ABI1: variants seen among roughly 807,000 people sequenced by gnomAD.
The protein encoded by ABI1 is abl interactor 1.
A neutral mutation model predicts 54.6 loss-of-function variants in ABI1; 14 were observed. That is an observed-to-expected ratio of 0.26 (90% CI 0.17 to 0.40). ABI1 has a LOEUF of 0.40. Among genes scored for constraint, ABI1 ranks in the 10% least tolerant of loss-of-function variants. ABI1 has a pLI of 1.00. For synonymous variants in ABI1, 194 were observed against 209.3 expected, an observed-to-expected ratio of 0.93 and a Z score of 0.63; for missense variants, 443 against 598.3, an observed-to-expected ratio of 0.74 and a Z score of 2.71.
rs1334724837 is a variant in ABI1, at chr10:26,759,175, T to C, written c.884A>G (p.Asn295Ser). Reference sequence around the variant, plus strand: ...AGAAGATGTCGAAGAAGTAGTAGAGTTGTGTCGAGATATCTGCCTGGTCAT... The same window carrying C: ...AGAAGATGTCGAAGAAGTAGTAGAGCTGTGTCGAGATATCTGCCTGGTCAT... ...GTMTRQISRHNSTTSSTSSGG... is the reference protein window; with the variant it reads ...GTMTRQISRHSSTTSSTSSGG... Residue 295 changes from asparagine (N) to serine (S), a missense_variant, in exon 8 of 11, where the codon AAC becomes AGC. Physicochemically the swap from Asn to Ser is conservative, Grantham distance 46 (BLOSUM62 1). Coordinates refer to ENST00000376140, the MANE Select transcript of ABI1 (RefSeq NM_001012750.3). 2 of 1,613,720 alleles carry C rather than the reference T, an allele frequency of 1.2e-6. No individual in the cohort carries two copies. The highest frequency in any genetic ancestry group is 1.7e-6 in the Non-Finnish European group (2 of 1,179,916).
chr10:26,807,920 C>T (rs889399688), intron 2 of ABI1, among the ~76,000 whole-genome samples: 54 of 152,132 alleles, frequency 3.5e-4, no homozygotes, highest in Non-Finnish European at 6.6e-4. Context: ...GGTGAAACCC[C>T]GCCTCTATTA....
At chr10:26,756,983 C>G (rs992918973) in intron 8 of ABI1, among the ~76,000 whole-genome samples, 2 of 152,030 alleles carry the variant, frequency 1.3e-5, no homozygotes, top group African/African-American at 4.8e-5. Flanking sequence ...CTATTTCATT[C>G]TAATACTCTA....
At chr10:26,814,032 T>G (rs2047403825) in intron 2 of ABI1, among the ~76,000 whole-genome samples, 1 of 152,166 alleles carries the variant, frequency 6.6e-6, no homozygotes, top group South Asian at 2.1e-4. Flanking sequence ...GTACCCGCCC[T>G]ACCTCCCCAG....
intron 1 of ABI1, among the ~76,000 whole-genome samples, chr10:26,823,942 T>C (rs965420571): frequency 6.6e-5 from 10 of 151,094 alleles, no homozygotes; most frequent in African/African-American, 2.4e-4. Flanking sequence ...AAAGAGTAAA[T>C]ATCACTAACA....
intron 7 of ABI1, chr10:26,763,932 T>C: frequency 6.2e-7 from 1 of 1,612,960 alleles, no homozygotes; most frequent in Non-Finnish European, 8.5e-7. Flanking sequence ...CTGGTGGAGC[T>C]CCAGAAGGAG....
chr10:26,777,750 G>T (rs544311246), intron 2 of ABI1, among the ~76,000 whole-genome samples: 49 of 152,194 alleles, frequency 3.2e-4, no homozygotes, highest in Middle Eastern at 3.4e-3. Context: ...CTCCAGCCTG[G>T]GCAACAGAGG....
At chr10:26,814,941 G>C (rs548040588) in intron 2 of ABI1, among the ~76,000 whole-genome samples, 2 of 152,128 alleles carry the variant, frequency 1.3e-5, no homozygotes, top group African/African-American at 4.8e-5. Flanking sequence ...ACTCAAACAA[G>C]CTCTGAATTC....
In ABI1 at chr10:26,860,225, C is replaced by T. The variant is rs992000977; in HGVS notation, c.117+522G>A. Among the ~76,000 whole-genome samples the T allele has an allele frequency of 7.2e-5, 11 of 152,110 alleles. No individual in the cohort carries two copies. Among genetic ancestry groups the T allele is most frequent in the African/African-American group, 2.7e-4 (11 of 41,432 alleles). On this transcript the variant is annotated intron_variant, in intron 1 of 10. Transcript: ENST00000376140. The surrounding 1 kb of genome is among the most constrained non-coding windows in gnomAD (Gnocchi z 4.1). ...GGGGCTGAAACTGACATAATCGCCC[C>T]CACCCCACCCTCCGCCGACACACAA...
chr10:26,842,549 G>A (rs918666364), intron 1 of ABI1, among the ~76,000 whole-genome samples: 1 of 152,130 alleles, frequency 6.6e-6, no homozygotes, highest in Non-Finnish European at 1.5e-5. Flanking sequence ...TCCAGAGCCT[G>A]AGACCCAATC....
At chr10:26,763,915 G>A in intron 7 of ABI1, 1 of 1,613,298 alleles carries the variant, frequency 6.2e-7, no homozygotes, top group Non-Finnish European at 8.5e-7. Context: ...TGGTGCCAGA[G>A]GTGGTGCTGG....
chr10:26,798,458 G>A (rs1271108922), intron 2 of ABI1, among the ~76,000 whole-genome samples: 2 of 152,040 alleles, frequency 1.3e-5, no homozygotes, highest in Non-Finnish European at 2.9e-5. Flanking sequence ...CGCCAAAAGT[G>A]CAGGTGGCCT....
At chr10:26,824,604 T>A (rs2048189632) in intron 1 of ABI1, among the ~76,000 whole-genome samples, 1 of 149,706 alleles carries the variant, frequency 6.7e-6, no homozygotes, top group Non-Finnish European at 1.5e-5. Flanking sequence ...AGAATATTGC[T>A]AAGGTGAAAA....
chr10:26,795,672 T>C (rs1489943027), intron 2 of ABI1, among the ~76,000 whole-genome samples: 2 of 151,844 alleles, frequency 1.3e-5, no homozygotes, highest in Non-Finnish European at 2.9e-5. Flanking sequence ...AAAAAATACT[T>C]AGGAGTAAAT....
chr10:26,778,703 T>C (rs1304491342), intron 2 of ABI1, among the ~76,000 whole-genome samples: 1 of 152,206 alleles, frequency 6.6e-6, no homozygotes, highest in Non-Finnish European at 1.5e-5. Context: ...TGTGAGAAGA[T>C]GCACTAACTC....
chr10:26,773,242 C>A, intron 3 of ABI1, among the ~76,000 whole-genome samples: 1 of 57,372 alleles, frequency 1.7e-5, no homozygotes, highest in Non-Finnish European at 2.9e-5. Flanking sequence ...GGCTCTGTTG[C>A]CCAGGATGGA....
intron 2 of ABI1, among the ~76,000 whole-genome samples, chr10:26,819,998 A>C (rs2047861111): frequency 6.6e-6 from 1 of 152,216 alleles, no homozygotes. Flanking sequence ...TCACTGAAGC[A>C]GAGAGTAGAA....
intron 6 of ABI1, among the ~76,000 whole-genome samples, chr10:26,766,567 T>C (rs1839977857): frequency 6.6e-6 from 1 of 152,230 alleles, no homozygotes; most frequent in East Asian, 1.9e-4. Context: ...AAAAGTCATT[T>C]ATAAAACAGA....
At chr10:26,748,890 G>A (rs1232871068) in intron 10 of ABI1, 145 bp from the exon 11 acceptor site, 13 of 641,118 alleles carry the variant, frequency 2.0e-5, no homozygotes, top group Non-Finnish European at 3.4e-5. Context: ...AATATAAGTA[G>A]GTCAGTGGCC....
intron 1 of ABI1, among the ~76,000 whole-genome samples, chr10:26,837,842 A>T (rs111739059): frequency 0.23 from 33,377 of 142,392 alleles, 4,608 homozygotes; most frequent in South Asian, 0.41. Context: ...CTCAAATTCC[A>T]GGCCTCAAGT....
Sources: allele counts gnomAD v4.1 joint callset (sites outside exome capture counted in the v4.1 genomes callset), GRCh38; gene constraint gnomAD v4.1.1; non-coding constraint Gnocchi (gnomAD v3.1); transcripts MANE v1.5; gene names NCBI Gene and HGNC (gene_info 2026-07-23, HGNC 2026-07-21).